Variants in STAM2 observed in about 807,000 individuals in gnomAD.
STAM2 encodes the protein signal transducing adaptor molecule 2.
Under a neutral mutation model 65.6 loss-of-function variants are expected in STAM2, and 51 were observed. That is an observed-to-expected ratio of 0.78 (90% CI 0.62 to 0.98). The LOEUF (loss-of-function observed/expected upper bound fraction) is 0.98. Ranked by LOEUF, STAM2 falls within the 50% of genes least tolerant of loss-of-function variation. STAM2 has a pLI of 0.00. For synonymous variants in STAM2, 198 were observed against 208.4 expected, an observed-to-expected ratio of 0.95 and a Z score of 0.43; for missense variants, 584 against 617.8, an observed-to-expected ratio of 0.95 and a Z score of 0.58.
chr2:152,143,834 C>G lies in STAM2; in HGVS notation c.697G>C (p.Asp233His). 1 of 1,607,896 alleles carries G rather than the reference C, an allele frequency of 6.2e-7. No individual in the cohort carries two copies. The highest frequency in any genetic ancestry group is 8.5e-7 in the Non-Finnish European group (1 of 1,177,310). ...FKHGEIIIVL[D>H]DSDANWWKGE... is the part of the protein sequence containing the mutation. ...TAAAGATTTAAAACTTACCTGTCAT[C>G]CAAAACAATAATTATTTCACCATGT... The change falls in exon 7 of 14, where the codon GAT becomes CAT. Residue 233 changes from aspartate to histidine, a missense_variant. Transcript: ENST00000263904.
chr2:152,144,823 C>T, intron 6 of STAM2, 65 bp downstream of exon 6: 2 of 1,420,562 alleles, frequency 1.4e-6, no homozygotes, highest in Non-Finnish European at 9.9e-7. Context: ...AGGCGTGAGC[C>T]ACCGCGCCCA....
At chr2:152,154,436 T>C (rs1689503892) in intron 1 of STAM2, among the ~76,000 whole-genome samples, 1 of 152,112 alleles carries the variant, frequency 6.6e-6, no homozygotes, top group Non-Finnish European at 1.5e-5. Context: ...GGCAACATGG[T>C]AAAACCCTGT....
At chr2:152,159,094 C>T (rs1579330661) in intron 1 of STAM2, among the ~76,000 whole-genome samples, 2 of 103,018 alleles carry the variant, frequency 1.9e-5, no homozygotes, top group African/African-American at 4.5e-5. Context: ...AAAAAAAAAC[C>T]ATATATATAT....
intron 11 of STAM2, among the ~76,000 whole-genome samples, chr2:152,129,455 C>A (rs1266695106): frequency 6.6e-6 from 1 of 152,184 alleles, no homozygotes; most frequent in Admixed American, 6.5e-5. Context: ...TGGCCTCAAT[C>A]TGACTTCTAA....
chr2:152,175,566 A>G lies in STAM2; in HGVS notation c.40+37T>C, dbSNP rs1360728292. 4 of 1,613,150 alleles carry G rather than the reference A, an allele frequency of 2.5e-6. No homozygotes were observed. The South Asian group carries it at 4.4e-5, about 18-fold the overall frequency. Reference sequence around the variant, plus strand: ...GCCGGACAAACAGCAGTCCAGGGCCAGGCACACAGCAGTCCAGGACCGGGC... The same window carrying G: ...GCCGGACAAACAGCAGTCCAGGGCCGGGCACACAGCAGTCCAGGACCGGGC... On this transcript the variant is annotated intron_variant, in intron 1 of 13. Transcript: ENST00000263904.
chr2:152,132,261 C>T (rs965982591), intron 10 of STAM2, 93 bp from the exon 11 acceptor site: 3 of 832,230 alleles, frequency 3.6e-6, no homozygotes, highest in Admixed American at 2.1e-5. Flanking sequence ...ATATACAACA[C>T]TATGCATAAT....
chr2:152,137,879 T>C (rs2105540153), intron 7 of STAM2, among the ~76,000 whole-genome samples: 1 of 152,282 alleles, frequency 6.6e-6, no homozygotes, highest in Admixed American at 6.5e-5. Context: ...CCACCATTTT[T>C]TCTAGTAATT....
At chr2:152,150,259 G>A in intron 1 of STAM2, 30 bp from the exon 2 acceptor site, 1 of 1,395,400 alleles carries the variant, frequency 7.2e-7, no homozygotes, top group East Asian at 2.3e-5. Flanking sequence ...ACACAACAAT[G>A]AGGACACATC....
intron 1 of STAM2, among the ~76,000 whole-genome samples, chr2:152,154,631 AAAAC>A (rs1689509913): frequency 6.6e-6 from 1 of 152,102 alleles, no homozygotes; most frequent in South Asian, 2.1e-4. Context: ...AAAACAAAAC[AAAAC>A]AAAGGGCAGG....
At chr2:152,171,098 T>C (rs896220076) in intron 1 of STAM2, among the ~76,000 whole-genome samples, 23 of 152,226 alleles carry the variant, frequency 1.5e-4, no homozygotes, top group African/African-American at 5.1e-4. Context: ...TATTTGTAAG[T>C]GTAGTATTAT....
chr2:152,159,675 GA>G (rs1689622629), intron 1 of STAM2, among the ~76,000 whole-genome samples: 2 of 152,102 alleles, frequency 1.3e-5, no homozygotes, highest in Non-Finnish European at 2.9e-5. Context: ...TATGGTTATT[GA>G]AAGTTTTCCT....
intron 7 of STAM2, among the ~76,000 whole-genome samples, chr2:152,141,301 C>G (rs751874882): frequency 2.0e-5 from 3 of 151,472 alleles, no homozygotes; most frequent in Non-Finnish European, 4.4e-5. Flanking sequence ...TTTGGGAGGC[C>G]GAGATGGGCA....
chr2:152,171,353 A>G lies in STAM2; in HGVS notation c.40+4250T>C, dbSNP rs986941906. ...CATAGTTTAAAAAGCTACAAAATATATTAGAAAAAAAACTGGCTGTTAAGT... is the reference window on the plus strand; with the variant it reads ...CATAGTTTAAAAAGCTACAAAATATGTTAGAAAAAAAACTGGCTGTTAAGT... On this transcript the variant is annotated intron_variant, in intron 1 of 13. Transcript: ENST00000263904. Among the ~76,000 whole-genome samples, 51 of 152,324 alleles carry G rather than the reference A, an allele frequency of 3.3e-4. No individual in the cohort carries two copies. The Middle Eastern group carries it at 0.01, about 30-fold the overall frequency.
At chr2:152,145,403 T>C (rs1243082124) in intron 5 of STAM2, among the ~76,000 whole-genome samples, 1 of 151,482 alleles carries the variant, frequency 6.6e-6, no homozygotes, top group Admixed American at 6.6e-5. Flanking sequence ...TTTTAAATAA[T>C]TGTTTTCAAA....
At chr2:152,160,430 A>T (rs1260840978) in intron 1 of STAM2, among the ~76,000 whole-genome samples, 2 of 149,292 alleles carry the variant, frequency 1.3e-5, no homozygotes, top group African/African-American at 2.5e-5. Context: ...CCCATCTCAG[A>T]AGTGAGGAGA....
At chr2:152,173,368 A>ATATACATATATATATATATG (rs1386024779) in intron 1 of STAM2, among the ~76,000 whole-genome samples, 6 of 147,422 alleles carry the variant, frequency 4.1e-5, no homozygotes, top group Non-Finnish European at 7.5e-5. Flanking sequence ...ACACACATAT[A>ATATACATATATATATATATG]TATACATATA....
chr2:152,153,647 G>A (rs1204226869), intron 1 of STAM2, among the ~76,000 whole-genome samples: 2 of 152,078 alleles, frequency 1.3e-5, no homozygotes, highest in East Asian at 1.9e-4. Context: ...ATGCTACGCA[G>A]GCAAAACATA....
chr2:152,169,663 C>G (rs1310802035), intron 1 of STAM2, among the ~76,000 whole-genome samples: 1 of 152,118 alleles, frequency 6.6e-6, no homozygotes, highest in Middle Eastern at 3.2e-3. Context: ...AAAAAATGCT[C>G]ATCTTCACTG....
rs916873399 is a variant in STAM2, at chr2:152,152,130, G to A, written c.41-1901C>T. On this transcript the variant is annotated intron_variant, in intron 1 of 13. Transcript: ENST00000263904. ...TAAGTTTCGTATTTTTTGTGGAGAC[G>A]GGGTTTTGCCATGTTGCCCAGGTTC... 1.4e-4 allele frequency among the ~76,000 whole-genome samples: 22 copies of A among 152,224 alleles called. No homozygotes were observed. The South Asian group carries it at 4.1e-3, about 29-fold the overall frequency.
Sources: allele counts gnomAD v4.1 joint callset (sites outside exome capture counted in the v4.1 genomes callset), GRCh38; gene constraint gnomAD v4.1.1; transcripts MANE v1.5; gene names NCBI Gene and HGNC (gene_info 2026-07-23, HGNC 2026-07-21).